LEPROTL1: variants seen among roughly 807,000 people sequenced by gnomAD.
LEPROTL1 encodes leptin receptor overlapping transcript-like 1.
A neutral mutation model predicts 15.4 loss-of-function variants in LEPROTL1; 6 were observed. That is an observed-to-expected ratio of 0.39 (90% confidence interval 0.21 to 0.77). LEPROTL1 has a LOEUF of 0.77. Ranked by LOEUF, LEPROTL1 falls within the 30% of genes least tolerant of loss-of-function variation. The probability of loss-of-function intolerance (pLI) is 0.41; values close to 1 mark genes in which losing one functional copy is unlikely to be tolerated. For synonymous variants in LEPROTL1, 56 were observed against 52.6 expected (o/e 1.06, Z -0.28); for missense variants, 128 against 158.1 (o/e 0.81, Z 1.02).
At chr8:30,113,787 T>C (rs1481901893) in intron 3 of LEPROTL1, among the ~76,000 whole-genome samples, 1 of 152,162 alleles carries the variant, frequency 6.6e-6, no homozygotes, top group East Asian at 1.9e-4. Context: ...CAAGCAGTCA[T>C]GGCTGGCCGT....
chr8:30,114,993 G>A (rs561895735), intron 3 of LEPROTL1, among the ~76,000 whole-genome samples: 6 of 152,188 alleles, frequency 3.9e-5, no homozygotes, highest in South Asian at 2.1e-4. Context: ...ACAGTTGACC[G>A]CCCTTCTTTA....
downstream of LEPROTL1, chr8:30,108,576 T>C (rs1221578307): frequency 2.0e-5 from 3 of 152,184 alleles, no homozygotes; most frequent in African/African-American, 7.2e-5. Context: ...TCATATACTT[T>C]AAAAAGTTTA....
Position 30,129,282 on chromosome 8 carries a change from G to A in LEPROTL1, c.280-3093G>A, listed in dbSNP as rs201631467. 3.9e-5 allele frequency among the ~76,000 whole-genome samples: 6 copies of A among 152,252 alleles called. No individual in the cohort carries two copies. The East Asian group carries it at 9.6e-4, about 24-fold the overall frequency. Reference sequence around the variant, plus strand: ...TCTGAGTGCTAAGATTGGGCTCGTTGTTTGCCTTCATGTTAATCAGTGATA... The same window carrying A: ...TCTGAGTGCTAAGATTGGGCTCGTTATTTGCCTTCATGTTAATCAGTGATA... On this transcript the variant is annotated intron_variant, in intron 3 of 4. Transcript: ENST00000442880.
At chr8:30,123,847 C>G (rs1418085967) in intron 3 of LEPROTL1, among the ~76,000 whole-genome samples, 2 of 152,126 alleles carry the variant, frequency 1.3e-5, no homozygotes, top group South Asian at 2.1e-4. Flanking sequence ...ACAAGGTGTT[C>G]CTCTCTGGCA....
At chr8:30,127,118 A>G (rs750642811) in intron 3 of LEPROTL1, among the ~76,000 whole-genome samples, 7 of 152,128 alleles carry the variant, frequency 4.6e-5, no homozygotes, top group Non-Finnish European at 1.0e-4. Flanking sequence ...TGATGATGCC[A>G]TTTCAATCTA....
At chr8:30,118,725 G>C (rs1010538598) in intron 3 of LEPROTL1, among the ~76,000 whole-genome samples, 1 of 152,154 alleles carries the variant, frequency 6.6e-6, no homozygotes. Context: ...TCACTATCTC[G>C]GCAAGAGGAA....
chr8:30,136,141 C>T (rs1803134350), intron 4 of LEPROTL1, among the ~76,000 whole-genome samples: 2 of 152,128 alleles, frequency 1.3e-5, no homozygotes, highest in Non-Finnish European at 2.9e-5. Flanking sequence ...ACTGAATGTG[C>T]CCCCAAAATT....
At chr8:30,138,051 G>A (rs1487351561), downstream of LEPROTL1, 1 of 174,008 alleles carries the variant, frequency 5.7e-6, no homozygotes, top group African/African-American at 2.4e-5. Context: ...CAAGAAGACT[G>A]TTCTGACTCC....
chr8:30,123,723 T>C (rs1275382818), intron 3 of LEPROTL1, among the ~76,000 whole-genome samples: 1 of 152,226 alleles, frequency 6.6e-6, no homozygotes, highest in Non-Finnish European at 1.5e-5. Flanking sequence ...ACCTATCATT[T>C]ATTCATTTAG....
At chr8:30,108,799 T>C (rs1313215352), downstream of LEPROTL1, among the ~76,000 whole-genome samples, 1 of 152,152 alleles carries the variant, frequency 6.6e-6, no homozygotes, top group Non-Finnish European at 1.5e-5. Context: ...GGCTAATTTT[T>C]GTATTTCTTG....
At chr8:30,123,750 A>G (rs770532929) in intron 3 of LEPROTL1, among the ~76,000 whole-genome samples, 1 of 152,262 alleles carries the variant, frequency 6.6e-6, no homozygotes, top group Non-Finnish European at 1.5e-5. Context: ...AATAAATAAC[A>G]TAATTTCAAT....
At position 30,107,289 on chromosome 8, in the gene LEPROTL1, T is replaced by G; in HGVS notation, c.*1427T>G. 1 of 985,564 alleles carries G rather than the reference T, an allele frequency of 1.0e-6. No individual in the cohort carries two copies. The highest frequency in any genetic ancestry group is 1.2e-6 in the Non-Finnish European group (1 of 829,848). The allele number at this position is 985,564 out of a possible 1,614,324, so 61.1% of individuals were successfully genotyped here. A position where few individuals can be genotyped will look rare whatever the true frequency, so the allele number is the denominator to read the frequency against. ...AGGCATGATCAATTTATAGTGGTCG[T>G]TTACATCTAATAATTATCAGGACTT... On this transcript the variant is annotated 3_prime_UTR_variant, in exon 4 of 4. Transcript: ENST00000321250.
chr8:30,128,942 A>T (rs756900194), intron 3 of LEPROTL1, among the ~76,000 whole-genome samples: 10 of 151,334 alleles, frequency 6.6e-5, no homozygotes, highest in Non-Finnish European at 1.2e-4. Flanking sequence ...TTTGAGACAG[A>T]GTCTCTTTGA....
At chr8:30,099,939 G>C (rs1585461028) in intron 1 of LEPROTL1, among the ~76,000 whole-genome samples, 1 of 152,194 alleles carries the variant, frequency 6.6e-6, no homozygotes. Context: ...AGGAGAGGTG[G>C]GCAGGGCCCG....
chr8:30,111,797 A>G (rs1329688471), downstream of LEPROTL1, among the ~76,000 whole-genome samples: 1 of 152,204 alleles, frequency 6.6e-6, no homozygotes, highest in Non-Finnish European at 1.5e-5. Flanking sequence ...GTCTTGTGCC[A>G]GCCAGCAGGG....
At chr8:30,100,492 C>T (rs754113040) in intron 1 of LEPROTL1, among the ~76,000 whole-genome samples, 3 of 152,152 alleles carry the variant, frequency 2.0e-5, no homozygotes, top group African/African-American at 7.2e-5. Flanking sequence ...CTCTGTCGCA[C>T]AGGCTGGAAT....
downstream of LEPROTL1, among the ~76,000 whole-genome samples, chr8:30,111,915 G>A (rs527526516): frequency 3.7e-4 from 56 of 152,202 alleles, no homozygotes; most frequent in African/African-American, 1.3e-3. Context: ...GATGATCTCT[G>A]GATCCCAGAT....
Position 30,122,925 on chromosome 8 carries a change from CAAT to C in LEPROTL1, c.280-9446_280-9444del, listed in dbSNP as rs766062316. Among the ~76,000 whole-genome samples the C allele has an allele frequency of 2.0e-5, 3 of 152,232 alleles. No homozygotes were observed. In the East Asian group the frequency reaches 5.8e-4, roughly 29 times the overall value. ...CCACCCAAAACCTATTGACTTAAAC[CAAT>C]AATCATTGGTTCAGCTCACAAATCT... On this transcript the variant is annotated intron_variant, in intron 3 of 4. Transcript: ENST00000442880.
chr8:30,100,506 A>G (rs1351990120), intron 1 of LEPROTL1, among the ~76,000 whole-genome samples: 3 of 152,134 alleles, frequency 2.0e-5, no homozygotes, highest in Non-Finnish European at 2.9e-5. Context: ...CTGGAATGCA[A>G]AGGCGCAGTC....
Sources: gnomAD v4.1 joint callset for allele counts (sites outside exome capture counted in the v4.1 genomes callset) on GRCh38, gnomAD v4.1.1 for gene constraint, MANE v1.5 for transcripts, NCBI Gene and HGNC (gene_info 2026-07-23, HGNC 2026-07-21) for gene names.